The following CDK12 variants were observed in gnomAD, a reference collection of about 807,000 sequenced individuals.
The protein encoded by CDK12 is cyclin dependent kinase 12.
Under a neutral mutation model 133.8 loss-of-function variants are expected in CDK12, and 17 were observed. The observed-to-expected ratio is 0.13, with a 90% CI of 0.09 to 0.19. The LOEUF is 0.19. CDK12 is among the 10% of genes least tolerant of loss of function. CDK12 has a pLI of 1.00. For synonymous variants in CDK12, 694 were observed against 683.6 expected (o/e 1.02, Z -0.24); for missense variants, 1,508 against 1,818.7 (o/e 0.83, Z 3.11).
chr17:39,526,011 C>T lies in CDK12; in HGVS notation c.3455C>T (p.Ala1152Val), dbSNP rs773347858. 9.3e-6 allele frequency: 15 copies of T among 1,614,198 alleles called. No individual in the cohort carries two copies. The highest frequency in any genetic ancestry group is 1.0e-5 in the Non-Finnish European group (12 of 1,180,042). The change falls in exon 13 of 14, where the codon GCC becomes GTC. Residue 1152 changes from alanine (A) to valine (V), a missense_variant. By Grantham distance (64) the Ala-to-Val change is moderately conservative. Transcript: ENST00000447079. ...CCAGAGATGCAGCAGCAGCTGGAAG[C>T]CCTGAACCAATCCATCAGTGCCCTG... is the stretch of plus-strand genomic sequence containing the variant. ...SNPEMQQQLE[A>V]LNQSISALTE... is the part of the protein sequence containing the mutation.
In CDK12 at chr17:39,517,629, G is replaced by T. The variant is rs533557843; in HGVS notation, c.2963+73G>T. 2.0e-4 allele frequency: 165 copies of T among 844,494 alleles called. No homozygotes were observed. The South Asian group carries it at 2.4e-3, about 12-fold the overall frequency. 52.3% of individuals were successfully genotyped at this position (844,494 alleles called of 1,614,324 possible). On this transcript the variant is annotated intron_variant, in intron 10 of 13. Coordinates refer to ENST00000447079, the MANE Select transcript of CDK12 (RefSeq NM_016507.4). ...TGGGACTTGGCTTTTTCCTGGTCTG[G>T]GTAGTTAATGTTGTCCCAGTTTATC...
intron 13 of CDK12, among the ~76,000 whole-genome samples, chr17:39,529,148 A>G (rs8069074): frequency 0.79 from 119,754 of 151,984 alleles, 47,702 homozygotes; most frequent in South Asian, 0.92. Flanking sequence ...AAAGCTGAAC[A>G]TTGACAACCT....
In CDK12 at chr17:39,462,366, C is replaced by G. The variant is rs2144865046; in HGVS notation, c.295C>G (p.Arg99Gly). ...FKLDRRENDE[R>G]RGSDRSDRLH... The stretch of plus-strand genomic sequence containing the variant: ...ACTAGACCGAAGGGAGAACGACGAA[C>G]GTCGTGGATCAGATCGGAGCGACCG... The change falls in exon 1 of 14, where the codon CGT (arginine) becomes GGT (glycine). Residue 99 changes from arginine to glycine, a missense_variant. Physicochemically the swap from Arg to Gly is moderately radical, Grantham distance 125. Transcript: ENST00000447079. The G allele has an allele frequency of 6.2e-7, 1 of 1,614,182 alleles. No homozygotes were observed. Among genetic ancestry groups the G allele is most frequent in the Non-Finnish European group, 8.5e-7 (1 of 1,180,048 alleles).
intron 3 of CDK12, among the ~76,000 whole-genome samples, chr17:39,559,883 A>G (rs1399963237): frequency 3.9e-5 from 6 of 151,990 alleles, no homozygotes; most frequent in East Asian, 3.8e-4. Flanking sequence ...AAGAAAGAAA[A>G]AAAAAAATCC....
chr17:39,493,171 T>TTG (rs1291727465), intron 4 of CDK12, among the ~76,000 whole-genome samples: 46 of 150,504 alleles, frequency 3.1e-4, no homozygotes, highest in South Asian at 8.4e-4. Context: ...TTTTTGTTTT[T>TTG]TTTTTTTTTT....
At chr17:39,490,329 T>C (rs1163820400) in intron 2 of CDK12, among the ~76,000 whole-genome samples, 4 of 151,622 alleles carry the variant, frequency 2.6e-5, no homozygotes, top group Admixed American at 2.0e-4. Context: ...ATCACGCCAC[T>C]GCATTCTAGC....
intron 1 of CDK12, among the ~76,000 whole-genome samples, chr17:39,465,808 A>T (rs2049268768): frequency 6.6e-6 from 1 of 152,088 alleles, no homozygotes; most frequent in South Asian, 2.1e-4. Flanking sequence ...TTAGTGTTTT[A>T]AGGAAGTCTA....
rs534398013 is a variant in CDK12 at position 39,501,207 on chromosome 17, C to CT, written c.2420-33dup. 345,203 of 1,188,850 alleles carry CT rather than the reference C, an allele frequency of 0.29. 25,472 individuals carry two copies. The highest frequency in any genetic ancestry group is 0.32 in the South Asian group (18,026 of 55,806). The allele number at this position is 1,188,850 out of a possible 1,614,324, so 73.6% of individuals were successfully genotyped here. The stretch of plus-strand genomic sequence containing the variant: ...CTTGAGGCATTGTTATTTCAGCATT[C>CT]TTTTTTTTTTCTTGCTTTTAATTTT... On this transcript the variant is annotated intron_variant, in intron 5 of 13. Transcript: ENST00000447079.
At chr17:39,510,594 CTCTCT>C (rs67254751) in intron 7 of CDK12, among the ~76,000 whole-genome samples, 92,673 of 149,900 alleles carry the variant, frequency 0.62, 31,719 homozygotes, top group South Asian at 0.89. Flanking sequence ...TTATTTTTTT[CTCTCT>C]TCTCTTCTCT....
rs1263431353 is a variant in CDK12 at position 39,515,820 on chromosome 17, C to T, written c.2846+12C>T. 1 of 1,596,690 alleles carries T rather than the reference C, an allele frequency of 6.3e-7. No individual in the cohort carries two copies. Among genetic ancestry groups the T allele is most frequent in the Admixed American group, 1.7e-5 (1 of 58,346 alleles). On this transcript the variant is annotated intron_variant, in intron 9 of 13. Transcript: ENST00000447079. ...CTAGAACTGATCAGGTACAGCTGTA[C>T]ATGTGCTCTTGAGTGCCCAGGTGTG... is the stretch of plus-strand genomic sequence containing the variant.
At position 39,531,761 on chromosome 17, in the gene CDK12, GTTT is replaced by G. The variant is rs948064757; in HGVS notation, c.*450_*452del. On this transcript the variant is annotated 3_prime_UTR_variant, in exon 14 of 14. Transcript: ENST00000447079. The stretch of plus-strand genomic sequence containing the variant: ...TTGAATTTTAATTTAGGTGTTTTGG[GTTT>G]TTTTCCTTTAAAGAGAATAGTGTTC... 1 of 236,080 alleles carries G rather than the reference GTTT, an allele frequency of 4.2e-6. No individual in the cohort carries two copies. Among genetic ancestry groups the G allele is most frequent in the African/African-American group, 2.2e-5 (1 of 45,382 alleles). The allele number at this position is 236,080 out of a possible 1,614,324, so 14.6% of individuals were successfully genotyped here.
At position 39,534,161 on chromosome 17, in the gene CDK12, G is replaced by A. The variant is rs1437068532; in HGVS notation, c.*2845G>A. ...CTTCAACTGTCCATAGGAACGATAA[G>A]TATTTGAAAGCAACATCAAATCTAT... On this transcript the variant is annotated 3_prime_UTR_variant, in exon 14 of 14. Transcript: ENST00000447079. 1 of 232,694 alleles carries A rather than the reference G, an allele frequency of 4.3e-6. No individual in the cohort carries two copies. Among genetic ancestry groups the A allele is most frequent in the Non-Finnish European group, 8.5e-6 (1 of 117,744 alleles). 14.4% of individuals were successfully genotyped at this position (232,694 alleles called of 1,614,324 possible). A position where few individuals can be genotyped will look rare whatever the true frequency, so the allele number is the denominator to read the frequency against.
chr17:39,494,773 CTT>C (rs71147348), intron 5 of CDK12, 79 bp downstream of exon 5: 6,470 of 766,292 alleles, frequency 8.4e-3, no homozygotes, highest in Middle Eastern at 0.013. Flanking sequence ...TTCTTTCTTT[CTT>C]TTTTTTTTTT....
chr17:39,470,302 T>C (rs2049695391), intron 1 of CDK12, among the ~76,000 whole-genome samples: 1 of 151,970 alleles, frequency 6.6e-6, no homozygotes, highest in South Asian at 2.1e-4. Context: ...TTGTATTTTT[T>C]AGTAGAGATG....
intron 2 of CDK12, among the ~76,000 whole-genome samples, chr17:39,477,553 A>G (rs976041144): frequency 2.1e-5 from 3 of 144,434 alleles, no homozygotes; most frequent in African/African-American, 5.2e-5. Context: ...TTGTATTTTT[A>G]TTTTTATTTA....
In CDK12 at chr17:39,461,626, C is replaced by T; in HGVS notation, c.-446C>T. 3.7e-6 allele frequency: 1 copy of T among 269,660 alleles called. No individual in the cohort carries two copies. The highest frequency in any genetic ancestry group is 7.2e-6 in the Non-Finnish European group (1 of 138,584). 16.7% of individuals were successfully genotyped at this position (269,660 alleles called of 1,614,324 possible). On this transcript the variant is annotated 5_prime_UTR_variant, in exon 1 of 14. Coordinates refer to ENST00000447079, the MANE Select transcript of CDK12 (RefSeq NM_016507.4). ...AAGGGGGCGTGAGGCACCTAGGCCGCGGCACCCCGGCGACAGGAAGCCGTC... is the reference window on the plus strand; with the variant it reads ...AAGGGGGCGTGAGGCACCTAGGCCGTGGCACCCCGGCGACAGGAAGCCGTC...
downstream of CDK12, among the ~76,000 whole-genome samples, chr17:39,538,251 C>T (rs1316388708): frequency 6.6e-6 from 1 of 152,174 alleles, no homozygotes; most frequent in African/African-American, 2.4e-5. Context: ...TTTCAAAACT[C>T]CTGCAAGTGG....
chr17:39,544,363 A>G (rs1246431206), upstream of CDK12: 3 of 484,772 alleles, frequency 6.2e-6, no homozygotes, highest in Non-Finnish European at 1.2e-5. Context: ...CAAGCCAGGT[A>G]GGGGCCTAAA....
intron 2 of CDK12, among the ~76,000 whole-genome samples, chr17:39,484,426 T>A (rs776690865): frequency 4.6e-5 from 7 of 152,172 alleles, no homozygotes; most frequent in Non-Finnish European, 7.3e-5. Flanking sequence ...TCTGCTCCCC[T>A]ATGATAGACT....
Sources: allele counts gnomAD v4.1 joint callset (sites outside exome capture counted in the v4.1 genomes callset), GRCh38; gene constraint gnomAD v4.1.1; transcripts MANE v1.5; gene names NCBI Gene and HGNC (gene_info 2026-07-23, HGNC 2026-07-21).